ICA1L: variants seen among roughly 807,000 people sequenced by gnomAD.
ICA1L encodes islet cell autoantigen 1 like.
ICA1L carries 50 observed loss-of-function variants against 61.3 expected under a neutral mutation model. The ratio of observed to expected loss-of-function variants is 0.82; its 90% CI spans 0.65 to 1.03. The LOEUF is 1.03. Among genes scored for constraint, ICA1L ranks in the 50% least tolerant of loss-of-function variants. The pLI is 0.00. For synonymous variants in ICA1L, 161 were observed against 191.3 expected, an observed-to-expected ratio of 0.84 and a Z score of 1.31; for missense variants, 508 against 556.7, an observed-to-expected ratio of 0.91 and a Z score of 0.88.
At chr2:202,827,404 A>T (rs1244038779) in intron 2 of ICA1L, among the ~76,000 whole-genome samples, 2 of 152,064 alleles carry the variant, frequency 1.3e-5, no homozygotes, top group Non-Finnish European at 2.9e-5. Flanking sequence ...AAAAAAAAAA[A>T]TACAGAAAAG....
chr2:202,791,234 G>A, intron 10 of ICA1L, among the ~76,000 whole-genome samples: 1 of 152,180 alleles, frequency 6.6e-6, no homozygotes, highest in African/African-American at 2.4e-5. Flanking sequence ...TCCAGGGACT[G>A]TTGAAATCAA....
At chr2:202,791,985 T>C (rs953737476) in intron 10 of ICA1L, among the ~76,000 whole-genome samples, 4 of 151,968 alleles carry the variant, frequency 2.6e-5, no homozygotes, top group Non-Finnish European at 5.9e-5. Context: ...CTGGCCAACA[T>C]AGTGAAACTC....
At chr2:202,869,218 C>T (rs1687620276) in intron 1 of ICA1L, among the ~76,000 whole-genome samples, 3 of 151,712 alleles carry the variant, frequency 2.0e-5, no homozygotes, top group South Asian at 2.1e-4. Flanking sequence ...ATCAGCCAGG[C>T]GTGGTGGCGG....
intron 4 of ICA1L, among the ~76,000 whole-genome samples, chr2:202,821,134 G>T (rs1693691673): frequency 6.6e-6 from 1 of 152,020 alleles, no homozygotes; most frequent in South Asian, 2.1e-4. Context: ...AGGCCTAAAG[G>T]TTATTTCTAG....
chr2:202,825,192 G>A (rs904287243), intron 3 of ICA1L, among the ~76,000 whole-genome samples: 5 of 152,170 alleles, frequency 3.3e-5, no homozygotes, highest in African/African-American at 1.2e-4. Flanking sequence ...CGCAGGCCCA[G>A]GCATGGTGAC....
At chr2:202,854,708 C>T (rs572184462) in intron 1 of ICA1L, among the ~76,000 whole-genome samples, 1 of 152,184 alleles carries the variant, frequency 6.6e-6, no homozygotes, top group Non-Finnish European at 1.5e-5. Flanking sequence ...GACCATAGTG[C>T]AATGAAATTA....
In ICA1L at chr2:202,774,380, A is replaced by G; in HGVS notation, c.*5153T>C. On this transcript the variant is annotated 3_prime_UTR_variant, in exon 13 of 13. Transcript: ENST00000358299. ...GCTCAGCGTGGTCTGGCAGCCGGAG[A>G]CCAGGCCTCACTGCGCCTCCAACAG... is the stretch of plus-strand genomic sequence containing the variant. The G allele has an allele frequency of 8.0e-7, 1 of 1,249,858 alleles. No individual in the cohort carries two copies. Among genetic ancestry groups the G allele is most frequent in the Non-Finnish European group, 1.0e-6 (1 of 971,998 alleles). The allele number at this position is 1,249,858 out of a possible 1,614,324, so 77.4% of individuals were successfully genotyped here.
intron 1 of ICA1L, chr2:202,840,969 G>C: frequency 1.5e-6 from 1 of 689,356 alleles, no homozygotes; most frequent in South Asian, 1.4e-5. Context: ...GCTGTGGTTG[G>C]CCATCTCCTC....
intron 1 of ICA1L, among the ~76,000 whole-genome samples, chr2:202,831,506 G>A (rs1694013770): frequency 6.6e-6 from 1 of 152,116 alleles, no homozygotes; most frequent in Non-Finnish European, 1.5e-5. Context: ...TAAACTGACT[G>A]CAGGTTTAGG....
At chr2:202,858,386 C>T (rs943694421) in intron 1 of ICA1L, among the ~76,000 whole-genome samples, 1 of 152,220 alleles carries the variant, frequency 6.6e-6, no homozygotes, top group Non-Finnish European at 1.5e-5. Context: ...AAACCAAACA[C>T]TGCGTGTTCT....
At chr2:202,788,740 G>A (rs1292478880) in intron 11 of ICA1L, 90 bp downstream of exon 11, 1 of 1,327,152 alleles carries the variant, frequency 7.5e-7, no homozygotes, top group Middle Eastern at 1.8e-4. Flanking sequence ...AAATCAATCT[G>A]CTTGTTGGTT....
At chr2:202,859,911 T>A (rs1380324176) in intron 1 of ICA1L, among the ~76,000 whole-genome samples, 1 of 152,162 alleles carries the variant, frequency 6.6e-6, no homozygotes, top group Non-Finnish European at 1.5e-5. Flanking sequence ...GGTTTTATTA[T>A]CCCAGTTTCA....
At position 202,817,410 on chromosome 2, in the gene ICA1L, G is replaced by A; in HGVS notation, c.684+8C>T. 4.5e-6 allele frequency: 7 copies of A among 1,567,580 alleles called. No homozygotes were observed. The highest frequency in any genetic ancestry group is 6.1e-6 in the Non-Finnish European group (7 of 1,155,548). On this transcript the variant is annotated splice_region_variant and intron_variant, in intron 6 of 12. Coordinates refer to ENST00000358299, the MANE Select transcript of ICA1L (RefSeq NM_001288622.3). ...CTGCAAGGATATGCTGACCATGGAGGTGGGTACCTGGTAGGTAGTGAGCGA... is the reference window on the plus strand; with the variant it reads ...CTGCAAGGATATGCTGACCATGGAGATGGGTACCTGGTAGGTAGTGAGCGA...
At chr2:202,834,621 C>CT (rs1050008334) in intron 1 of ICA1L, among the ~76,000 whole-genome samples, 2 of 152,034 alleles carry the variant, frequency 1.3e-5, no homozygotes, top group African/African-American at 4.8e-5. Context: ...GAGCCAGACT[C>CT]TGTCTCAAAA....
Position 202,817,443 on chromosome 2 carries a change from A to G in ICA1L, c.659T>C (p.Leu220Pro). 1 of 1,609,578 alleles carries G rather than the reference A, an allele frequency of 6.2e-7. No homozygotes were observed. Among genetic ancestry groups the G allele is most frequent in the South Asian group, 1.1e-5 (1 of 90,418 alleles). Residue 220 changes from leucine to proline, a missense_variant, in exon 6 of 13, where the codon CTA becomes CCA. Physicochemically the swap from Leu to Pro is moderately conservative, Grantham distance 98. Coordinates refer to ENST00000358299, the MANE Select transcript of ICA1L (RefSeq NM_001288622.3). ...DLLGASRCNMLSHSLTTYQRT... is the reference protein window; with the variant it reads ...DLLGASRCNMPSHSLTTYQRT... ...CTGGTAGGTAGTGAGCGAATGAGAT[A>G]GCATATTGCAGCGACTAGCTCCAAG...
intron 9 of ICA1L, among the ~76,000 whole-genome samples, chr2:202,810,490 C>T (rs1052281346): frequency 1.3e-5 from 2 of 152,114 alleles, no homozygotes; most frequent in African/African-American, 4.8e-5. Flanking sequence ...TCTCTTAGTC[C>T]CGTCATCTTC....
chr2:202,780,746 ACT>A (rs1354670407), intron 12 of ICA1L, among the ~76,000 whole-genome samples: 1 of 152,010 alleles, frequency 6.6e-6, no homozygotes, highest in African/African-American at 2.4e-5. Flanking sequence ...GAAAGGCTTC[ACT>A]CTGTGTGTCC....
chr2:202,835,514 CAGAT>C (rs1559142698), intron 1 of ICA1L, among the ~76,000 whole-genome samples: 1 of 151,078 alleles, frequency 6.6e-6, no homozygotes, highest in East Asian at 2.0e-4. Context: ...CCAGATTTAT[CAGAT>C]AGTTTGTTGT....
intron 1 of ICA1L, among the ~76,000 whole-genome samples, chr2:202,862,263 T>G (rs1694939353): frequency 1.1e-5 from 1 of 93,980 alleles, no homozygotes; most frequent in African/African-American, 4.3e-5. Flanking sequence ...CAGTAAGACC[T>G]CATTTCTACA....
Sources: allele counts gnomAD v4.1 joint callset (sites outside exome capture counted in the v4.1 genomes callset), GRCh38; gene constraint gnomAD v4.1.1; transcripts MANE v1.5; gene names NCBI Gene and HGNC (gene_info 2026-07-23, HGNC 2026-07-21).